SLC18A1: variants seen among roughly 807,000 people sequenced by gnomAD.
The protein encoded by SLC18A1 is chromaffin granule amine transporter.
A neutral mutation model predicts 53.7 loss-of-function variants in SLC18A1; 69 were observed. The observed-to-expected ratio is 1.28, with a 90% CI of 1.06 to 1.57. SLC18A1 has a LOEUF of 1.57. Among genes scored for constraint, SLC18A1 ranks in the 40% most tolerant of loss-of-function variants. The probability of loss-of-function intolerance (pLI) is 0.00; values close to 1 mark genes in which losing one functional copy is unlikely to be tolerated. For synonymous variants in SLC18A1, 320 were observed against 248.1 expected, an observed-to-expected ratio of 1.29 and a Z score of -2.72; for missense variants, 932 against 668.1, an observed-to-expected ratio of 1.40 and a Z score of -4.35.
At position 20,148,293 on chromosome 8, in the gene SLC18A1, G is replaced by A. The variant is rs146732693; in HGVS notation, c.1147-223C>T. 1,319 of 597,542 alleles carry A rather than the reference G, an allele frequency of 2.2e-3. 12 individuals carry two copies. In the African/African-American group the frequency reaches 0.023, roughly 10 times the overall value. 37.0% of individuals were successfully genotyped at this position (597,542 alleles called of 1,614,324 possible). A position where few individuals can be genotyped will look rare whatever the true frequency, so the allele number is the denominator to read the frequency against. ...TTGTGTTTATTTATTGCTCTATCCA[G>A]AGTTACAGATCTAATGAGTGGCAAG... is the stretch of plus-strand genomic sequence containing the variant. On this transcript the variant is annotated intron_variant, in intron 12 of 15. Transcript: ENST00000276373.
rs761479990 is a variant in SLC18A1 at position 20,164,938 on chromosome 8, C to G, written c.946G>C (p.Val316Leu). 1.2e-6 allele frequency: 2 copies of G among 1,613,870 alleles called. No individual in the cohort carries two copies. Among genetic ancestry groups the G allele is most frequent in the South Asian group, 2.2e-5 (2 of 91,050 alleles). ...AGSICFANMG[V>L]AILEPTLPIW... ...GGCAGTGTGGGCTCCAGGATGGCCA[C>G]CCCCATGTTGGCAAAGCAGATGGAC... Residue 316 changes from valine to leucine, a missense_variant, in exon 10 of 16, where the codon GTG becomes CTG. Transcript: ENST00000276373.
chr8:20,179,111 AGTGAGATACCTGTTG>A lies in SLC18A1; in HGVS notation c.483_488+9del. On this transcript the variant is annotated splice_donor_variant and splice_donor_5th_base_variant and coding_sequence_variant and intron_variant, in exon 3 of 16. Coordinates refer to ENST00000276373, the MANE Select transcript of SLC18A1 (RefSeq NM_003053.4). LOFTEE classifies it high-confidence loss of function. The stretch of plus-strand genomic sequence containing the variant: ...GTGTACCCTGCGGGGCACTGCACCC[AGTGAGATACCTGTTG>A]GTGAGAGGGCCCACGAATGGGTTGA... 6.2e-7 allele frequency: 1 copy of A among 1,605,338 alleles called. No individual in the cohort carries two copies.
At chr8:20,155,470 T>C (rs2071659924) in intron 10 of SLC18A1, among the ~76,000 whole-genome samples, 1 of 152,122 alleles carries the variant, frequency 6.6e-6, no homozygotes, top group Non-Finnish European at 1.5e-5. Context: ...GCTTTCACAA[T>C]TTTCTTGGGG....
At chr8:20,149,843 C>T (rs1156368292) in intron 11 of SLC18A1, 116 bp from the exon 12 acceptor site, 4 of 879,146 alleles carry the variant, frequency 4.5e-6, no homozygotes, top group Admixed American at 2.0e-5. Flanking sequence ...CCCCTTAGGA[C>T]CTGAGGACAG....
At chr8:20,173,858 G>T (rs951695778) in intron 5 of SLC18A1, among the ~76,000 whole-genome samples, 7 of 151,384 alleles carry the variant, frequency 4.6e-5, no homozygotes, top group Admixed American at 1.3e-4. Context: ...CAGGCTCAGA[G>T]ATCTATGGAC....
Position 20,177,451 on chromosome 8 carries a change from G to T in SLC18A1, c.547+984C>A, listed in dbSNP as rs116557642. The stretch of plus-strand genomic sequence containing the variant: ...GTGGGAATTGAACAGAGAACACATG[G>T]ACACCGGAAGGGGAACTTCACACAC... On this transcript the variant is annotated intron_variant, in intron 4 of 15. Transcript: ENST00000276373. 7.1e-3 allele frequency among the ~76,000 whole-genome samples: 1,079 copies of T among 152,254 alleles called. 18 individuals are homozygous for T. Among genetic ancestry groups the T allele is most frequent in the African/African-American group, 0.025 (1,034 of 41,528 alleles).
chr8:20,181,850 CT>C (rs1375390792), intron 1 of SLC18A1: 1 of 152,194 alleles, frequency 6.6e-6, no homozygotes, highest in Non-Finnish European at 1.5e-5. Flanking sequence ...CGCTTTTCAA[CT>C]TGCCAGCTTA....
At position 20,145,229 on chromosome 8, in the gene SLC18A1, G is replaced by GC. The variant is rs397742524; in HGVS notation, c.*533_*534insG. 7.5e-5 allele frequency: 1 copy of GC among 13,360 alleles called. No homozygotes were observed. The highest frequency in any genetic ancestry group is 7.0e-4 in the African/African-American group (1 of 1,426). 0.8% of individuals were successfully genotyped at this position (13,360 alleles called of 1,614,324 possible). ...CACTTTATTAAAAAAAAAAATAAAT[G>GC]AAAAAAAACAAAACAAAACTCTTCA... On this transcript the variant is annotated 3_prime_UTR_variant, in exon 16 of 16. Transcript: ENST00000276373.
intron 10 of SLC18A1, among the ~76,000 whole-genome samples, chr8:20,159,161 A>G (rs963012282): frequency 6.6e-6 from 1 of 152,134 alleles, no homozygotes; most frequent in Non-Finnish European, 1.5e-5. Context: ...CCATGCTCCA[A>G]TGTTGATGAC....
chr8:20,155,432 A>G (rs1335428875), intron 10 of SLC18A1, among the ~76,000 whole-genome samples: 3 of 152,012 alleles, frequency 2.0e-5, no homozygotes, highest in Non-Finnish European at 4.4e-5. Context: ...CTAGGATGGG[A>G]GCATTGGTCT....
At chr8:20,164,550 G>A (rs1304267146) in intron 10 of SLC18A1, among the ~76,000 whole-genome samples, 1 of 152,116 alleles carries the variant, frequency 6.6e-6, no homozygotes, top group Non-Finnish European at 1.5e-5. Context: ...GAGGGTTTAA[G>A]GCATCTGCAC....
intron 10 of SLC18A1, among the ~76,000 whole-genome samples, chr8:20,162,052 C>A (rs774802699): frequency 1.3e-5 from 2 of 152,210 alleles, no homozygotes; most frequent in African/African-American, 2.4e-5. Flanking sequence ...CCAAGGCTTA[C>A]CACTTGCACC....
intron 8 of SLC18A1, among the ~76,000 whole-genome samples, chr8:20,169,119 G>A (rs971398242): frequency 1.3e-5 from 2 of 151,950 alleles, no homozygotes; most frequent in African/African-American, 4.8e-5. Flanking sequence ...GAGAGGCGAC[G>A]GGCATTAAAT....
chr8:20,170,232 CTA>C (rs148655818), intron 8 of SLC18A1, among the ~76,000 whole-genome samples: 17,754 of 152,196 alleles, frequency 0.12, 1,244 homozygotes, highest in Middle Eastern at 0.3. Flanking sequence ...AATTGGCACT[CTA>C]AAAGTATTGA....
At position 20,147,342 on chromosome 8, in the gene SLC18A1, G is replaced by A; in HGVS notation, c.1380C>T (p.Leu460=). Residue 460 remains leucine, a synonymous_variant, in exon 15 of 16, where the codon CTC becomes CTT. Coordinates refer to ENST00000276373, the MANE Select transcript of SLC18A1 (RefSeq NM_003053.4). Reference sequence around the variant, plus strand: ...TGTTGATGACCCCAGTGATGACCATGAGCCAGGGAAAACCGATGGCCTTTA... The same window carrying A: ...TGTTGATGACCCCAGTGATGACCATAAGCCAGGGAAAACCGATGGCCTTTA... ...AIVKAIGFPW[L]MVITGVINIV... is the part of the protein sequence containing the mutation. The A allele has an allele frequency of 1.9e-6, 3 of 1,613,508 alleles. No homozygotes were observed. The highest frequency in any genetic ancestry group is 1.7e-4 in the Middle Eastern group (1 of 5,754).
At chr8:20,157,820 G>C (rs1408735053) in intron 10 of SLC18A1, among the ~76,000 whole-genome samples, 1 of 152,122 alleles carries the variant, frequency 6.6e-6, no homozygotes, top group Non-Finnish European at 1.5e-5. Context: ...AGAAAAAGAA[G>C]GCCACCCCTT....
chr8:20,163,674 G>A (rs2071885259), intron 10 of SLC18A1, among the ~76,000 whole-genome samples: 1 of 152,166 alleles, frequency 6.6e-6, no homozygotes, highest in Non-Finnish European at 1.5e-5. Flanking sequence ...ATGAAAACTT[G>A]TTTTGACTAA....
At chr8:20,178,387 A>C in intron 4 of SLC18A1, 48 bp downstream of exon 4, 1 of 1,478,600 alleles carries the variant, frequency 6.8e-7, no homozygotes, top group Non-Finnish European at 9.4e-7. Flanking sequence ...ACTTGATAAA[A>C]TCAAAGGTAA....
chr8:20,171,632 G>T, intron 6 of SLC18A1, 138 bp from the exon 7 acceptor site: 1 of 673,420 alleles, frequency 1.5e-6, no homozygotes, highest in Non-Finnish European at 2.7e-6. Context: ...GGAATTCAGA[G>T]ATGGAGACAT....
Sources: gnomAD v4.1 joint callset for allele counts (sites outside exome capture counted in the v4.1 genomes callset) on GRCh38, gnomAD v4.1.1 for gene constraint, MANE v1.5 for transcripts, NCBI Gene and HGNC (gene_info 2026-07-23, HGNC 2026-07-21) for gene names.